TRPS1: variants seen among roughly 807,000 people sequenced by gnomAD.
The protein encoded by TRPS1 is zinc finger transcription factor Trps1.
TRPS1 carries 6 observed loss-of-function variants against 101.2 expected under a neutral mutation model. The ratio of observed to expected loss-of-function variants is 0.06; its 90% CI spans 0.03 to 0.12. The LOEUF (loss-of-function observed/expected upper bound fraction) is 0.12. TRPS1 is among the 10% of genes least tolerant of loss of function. The probability of loss-of-function intolerance (pLI) is 1.00; values close to 1 mark genes in which losing one functional copy is unlikely to be tolerated. For missense variants in TRPS1, 1,363 were observed against 1,567.0 expected (o/e 0.87, Z 2.20); for synonymous variants, 578 against 589.8 (o/e 0.98, Z 0.29).
chr8:115,535,056 T>C, intron 5 of TRPS1, among the ~76,000 whole-genome samples: 1 of 148,158 alleles, frequency 6.7e-6, no homozygotes, highest in African/African-American at 2.5e-5. Flanking sequence ...ATAGCATATG[T>C]ATAGCATATA....
intron 5 of TRPS1, among the ~76,000 whole-genome samples, chr8:115,462,427 T>C (rs1031483365): frequency 6.6e-6 from 1 of 152,162 alleles, no homozygotes; most frequent in Non-Finnish European, 1.5e-5. Context: ...CTCCCCCATA[T>C]ATTAGCTTTC....
At chr8:115,547,618 T>A (rs1426293025) in intron 5 of TRPS1, among the ~76,000 whole-genome samples, 2 of 152,140 alleles carry the variant, frequency 1.3e-5, no homozygotes, top group Admixed American at 1.3e-4. Context: ...GCTTCTCTGT[T>A]TTCTCCCAAC....
chr8:115,668,847 A>T lies in TRPS1; in HGVS notation c.-424T>A, dbSNP rs1812003913. 1 of 149,688 alleles carries T rather than the reference A, an allele frequency of 6.7e-6. No individual in the cohort carries two copies. The highest frequency in any genetic ancestry group is 2.1e-4 in the South Asian group (1 of 4,788). 9.3% of individuals were successfully genotyped at this position (149,688 alleles called of 1,614,324 possible). A position where few individuals can be genotyped will look rare whatever the true frequency, so the allele number is the denominator to read the frequency against. On this transcript the variant is annotated 5_prime_UTR_variant, in exon 1 of 7. Transcript: ENST00000395715. ...AAAAAAAGAAATAGGAAGGCGAGAGAGCAATCGAGAGGACGCGAGGTCTGG... is the reference window on the plus strand; with the variant it reads ...AAAAAAAGAAATAGGAAGGCGAGAGTGCAATCGAGAGGACGCGAGGTCTGG...
At chr8:115,478,266 A>C (rs1293131014) in intron 5 of TRPS1, among the ~76,000 whole-genome samples, 2 of 152,208 alleles carry the variant, frequency 1.3e-5, no homozygotes, top group African/African-American at 2.4e-5. Context: ...GTGATGTTGA[A>C]ATTCACATAA....
chr8:115,481,567 T>C lies in TRPS1; in HGVS notation c.2701-63115A>G, dbSNP rs1814752211. ...ACCAGATCATCAAAAAACTAGGGCA[T>C]AAAAACTATTATGAGAATTCTATTC... On this transcript the variant is annotated intron_variant, in intron 5 of 6. Transcript: ENST00000395715. Among the ~76,000 whole-genome samples the C allele has an allele frequency of 2.0e-5, 3 of 152,170 alleles. No homozygotes were observed. The South Asian group carries it at 6.2e-4, about 31-fold the overall frequency.
chr8:115,605,705 T>A (rs150014820), intron 3 of TRPS1, among the ~76,000 whole-genome samples: 1 of 152,144 alleles, frequency 6.6e-6, no homozygotes, highest in South Asian at 2.1e-4. Context: ...CCTTATTTGA[T>A]TAAGGTTCTG....
rs780597783 is a variant in TRPS1, at chr8:115,604,254, C to T, written c.1715G>A (p.Cys572Tyr). ...HYQQLHNIHK[C>Y]TIKHCPFCPR... is the part of the protein sequence containing the mutation. ...ACAGAATGGACAGTGTTTAATGGTACACTTGTGAATGTTATGGAGCTGTTG... is the reference window on the plus strand; with the variant it reads ...ACAGAATGGACAGTGTTTAATGGTATACTTGTGAATGTTATGGAGCTGTTG... The change falls in exon 4 of 7, where the codon TGT (cysteine) becomes TAT (tyrosine). Residue 572 changes from cysteine to tyrosine, a missense_variant. Around this residue, in one of 5 missense-constraint regions of TRPS1, gnomAD observed 1,020 missense variants for 1,073.0 expected, o/e 0.95. Transcript: ENST00000395715. The surrounding 1 kb of genome is among the most constrained non-coding windows in gnomAD (Gnocchi z 4.1). 1.2e-6 allele frequency: 2 copies of T among 1,614,106 alleles called. No individual in the cohort carries two copies. Among genetic ancestry groups the T allele is most frequent in the South Asian group, 1.1e-5 (1 of 91,084 alleles).
In TRPS1 at chr8:115,517,585, C is replaced by G. The variant is rs1815748428; in HGVS notation, c.2700+69416G>C. Among the ~76,000 whole-genome samples the G allele has an allele frequency of 9.9e-5, 15 of 151,244 alleles. No homozygotes were observed. In the Admixed American group the frequency reaches 9.9e-4, roughly 10 times the overall value. ...TGTTGTGAAAAGAAGTCCTATGATT[C>G]AATATGCAGAGAAAAAAAGATTAAT... On this transcript the variant is annotated intron_variant, in intron 5 of 6. Coordinates refer to ENST00000395715, the MANE Select transcript of TRPS1 (RefSeq NM_014112.5).
chr8:115,572,421 C>T (rs1817225593), intron 5 of TRPS1, among the ~76,000 whole-genome samples: 1 of 149,520 alleles, frequency 6.7e-6, no homozygotes, highest in Admixed American at 6.7e-5. Flanking sequence ...GGGGTCATTT[C>T]CTTTTTTAAA....
At chr8:115,485,406 C>A (rs1435297065) in intron 5 of TRPS1, among the ~76,000 whole-genome samples, 1 of 152,218 alleles carries the variant, frequency 6.6e-6, no homozygotes, top group Non-Finnish European at 1.5e-5. Flanking sequence ...CTGAACAGAA[C>A]ATCCAGTCAT....
intron 1 of TRPS1, among the ~76,000 whole-genome samples, chr8:115,633,894 A>G (rs937648368): frequency 1.3e-5 from 2 of 152,158 alleles, no homozygotes; most frequent in African/African-American, 2.4e-5. Flanking sequence ...CATAAAAAAC[A>G]TAAGTTAATA....
intron 5 of TRPS1, among the ~76,000 whole-genome samples, chr8:115,494,363 A>G (rs1586330573): frequency 6.6e-6 from 1 of 152,344 alleles, no homozygotes; most frequent in East Asian, 1.9e-4. Flanking sequence ...GTATTATACT[A>G]CCTGGCCACT....
At chr8:115,529,784 C>G (rs927202372) in intron 5 of TRPS1, among the ~76,000 whole-genome samples, 12 of 152,242 alleles carry the variant, frequency 7.9e-5, no homozygotes, top group African/African-American at 2.9e-4. Flanking sequence ...GAGGGCAACA[C>G]CAGGTAGTTA....
chr8:115,566,292 TG>T (rs1296820306), intron 5 of TRPS1, among the ~76,000 whole-genome samples: 1 of 152,116 alleles, frequency 6.6e-6, no homozygotes, highest in Non-Finnish European at 1.5e-5. Context: ...AAAAGGCAAG[TG>T]GTCAGAATTG....
At chr8:115,636,106 C>T (rs1450194954) in intron 1 of TRPS1, among the ~76,000 whole-genome samples, 1 of 150,802 alleles carries the variant, frequency 6.6e-6, no homozygotes. Flanking sequence ...TTTTTATCAT[C>T]AGGAATTAAA....
At chr8:115,514,779 A>C (rs1031537505) in intron 5 of TRPS1, among the ~76,000 whole-genome samples, 7 of 151,666 alleles carry the variant, frequency 4.6e-5, no homozygotes, top group South Asian at 2.1e-4. Flanking sequence ...ACCAAAAAAA[A>C]CCAGCTTAAT....
At chr8:115,482,534 A>T (rs1405636648) in intron 5 of TRPS1, among the ~76,000 whole-genome samples, 1 of 152,210 alleles carries the variant, frequency 6.6e-6, no homozygotes, top group Admixed American at 6.5e-5. Flanking sequence ...CAAACATCAC[A>T]ATACTAGGAG....
chr8:115,490,151 T>C (rs1814985784), intron 5 of TRPS1, among the ~76,000 whole-genome samples: 1 of 152,136 alleles, frequency 6.6e-6, no homozygotes, highest in South Asian at 2.1e-4. Context: ...ACTTTTTATC[T>C]TACCAAGACA....
rs1410657183 is a variant in TRPS1, at chr8:115,652,135, G to C, written c.-122+16410C>G. 2.0e-5 allele frequency among the ~76,000 whole-genome samples: 3 copies of C among 152,166 alleles called. No individual in the cohort carries two copies. In the East Asian group the frequency reaches 5.8e-4, roughly 29 times the overall value. On this transcript the variant is annotated intron_variant, in intron 1 of 6. Transcript: ENST00000395715. ...CTAGAACAAGTGTGGCAGAGATGCA[G>C]TGCCTAGAAGCCAAGCCAGAAGAGA...
Sources: allele counts gnomAD v4.1 joint callset (sites outside exome capture counted in the v4.1 genomes callset), GRCh38; gene constraint gnomAD v4.1.1; regional missense constraint gnomAD v4.1.1; non-coding constraint Gnocchi (gnomAD v3.1); transcripts MANE v1.5; gene names NCBI Gene and HGNC (gene_info 2026-07-23, HGNC 2026-07-21).